Variants in DPP10 observed in about 807,000 individuals in gnomAD.
The protein encoded by DPP10 is inactive dipeptidyl peptidase 10.
A neutral mutation model predicts 120.9 loss-of-function variants in DPP10; 33 were observed. The observed-to-expected ratio is 0.27, with a 90% CI of 0.21 to 0.37. The LOEUF is 0.37. Among genes scored for constraint, DPP10 ranks in the 10% least tolerant of loss-of-function variants. The pLI is 1.00. For missense variants in DPP10, 816 were observed against 942.8 expected (o/e 0.87, Z 1.76); for synonymous variants, 337 against 326.1 (o/e 1.03, Z -0.36).
intron 1 of DPP10, among the ~76,000 whole-genome samples, chr2:114,674,257 C>A (rs1035523765): frequency 6.6e-6 from 1 of 151,606 alleles, no homozygotes; most frequent in Non-Finnish European, 1.5e-5. Context: ...ACATATATAT[C>A]CTATTTGTTT....
intron 1 of DPP10, among the ~76,000 whole-genome samples, chr2:115,176,947 C>T (rs1018999317): frequency 1.3e-5 from 2 of 152,056 alleles, no homozygotes; most frequent in South Asian, 4.1e-4. Context: ...TCTGTATATT[C>T]AATTGAAAAT....
intron 1 of DPP10, among the ~76,000 whole-genome samples, chr2:115,128,911 A>C (rs952144212): frequency 1.1e-4 from 17 of 152,214 alleles, no homozygotes; most frequent in African/African-American, 3.9e-4. Flanking sequence ...TGTGTGCAAA[A>C]ACCACGAATA....
chr2:115,199,140 A>G (rs2055504342), intron 1 of DPP10, among the ~76,000 whole-genome samples: 1 of 152,184 alleles, frequency 6.6e-6, no homozygotes, highest in South Asian at 2.1e-4. Flanking sequence ...AACAAATGTT[A>G]TTAATTTAAT....
At chr2:115,641,914 A>G (rs964260541) in intron 5 of DPP10, among the ~76,000 whole-genome samples, 1 of 152,200 alleles carries the variant, frequency 6.6e-6, no homozygotes, top group African/African-American at 2.4e-5. Context: ...GAAATGGAAC[A>G]TAGTAGTTGG....
At chr2:114,610,200 T>A (rs956340931) in intron 1 of DPP10, among the ~76,000 whole-genome samples, 1 of 152,154 alleles carries the variant, frequency 6.6e-6, no homozygotes, top group African/African-American at 2.4e-5. Flanking sequence ...CACAGGCGTA[T>A]GTTTTGTTTT....
At chr2:115,224,189 C>A (rs2057320820) in intron 1 of DPP10, among the ~76,000 whole-genome samples, 1 of 151,914 alleles carries the variant, frequency 6.6e-6, no homozygotes, top group African/African-American at 2.4e-5. Context: ...AGGAAGTGTG[C>A]AAAGTGGGGT....
At chr2:114,558,633 A>G (rs1558879713) in intron 1 of DPP10, among the ~76,000 whole-genome samples, 1 of 152,250 alleles carries the variant, frequency 6.6e-6, no homozygotes, top group Non-Finnish European at 1.5e-5. Flanking sequence ...TTCCTGCTCT[A>G]TGCTGAGTGC....
At chr2:114,835,761 C>G (rs1204118955) in intron 1 of DPP10, among the ~76,000 whole-genome samples, 2 of 152,014 alleles carry the variant, frequency 1.3e-5, no homozygotes, top group Non-Finnish European at 2.9e-5. Flanking sequence ...GTCATGTGCC[C>G]AGTAAGTTAT....
intron 1 of DPP10, among the ~76,000 whole-genome samples, chr2:114,913,515 C>G (rs1694540589): frequency 6.6e-6 from 1 of 152,144 alleles, no homozygotes; most frequent in Non-Finnish European, 1.5e-5. Flanking sequence ...TGAAATCATC[C>G]AGAAATAAAG....
chr2:115,716,869 T>TC (rs2092512764), intron 7 of DPP10, among the ~76,000 whole-genome samples: 1 of 152,192 alleles, frequency 6.6e-6, no homozygotes, highest in Non-Finnish European at 1.5e-5. Context: ...TGTTTTCTTA[T>TC]CAGCCTGCCC....
At chr2:114,699,285 A>G (rs960480409) in intron 1 of DPP10, among the ~76,000 whole-genome samples, 5 of 148,946 alleles carry the variant, frequency 3.4e-5, no homozygotes, top group African/African-American at 5.1e-5. Context: ...AATCATATAT[A>G]CATATGCGTG....
At chr2:114,692,801 T>C (rs1343007400) in intron 1 of DPP10, among the ~76,000 whole-genome samples, 1 of 152,152 alleles carries the variant, frequency 6.6e-6, no homozygotes, top group Non-Finnish European at 1.5e-5. Flanking sequence ...TAGTTAGCTG[T>C]TCTTGCTTAA....
chr2:114,592,451 A>G (rs1047364114), intron 1 of DPP10, among the ~76,000 whole-genome samples: 3 of 152,200 alleles, frequency 2.0e-5, no homozygotes, highest in Non-Finnish European at 4.4e-5. Context: ...AGTCAAAAAA[A>G]CCAGCATTGA....
At chr2:114,860,729 C>A (rs1024557014) in intron 1 of DPP10, among the ~76,000 whole-genome samples, 24 of 152,286 alleles carry the variant, frequency 1.6e-4, no homozygotes, top group African/African-American at 5.8e-4. Flanking sequence ...ATATTACCAT[C>A]TTCTTTTTGC....
At chr2:115,703,412 G>A (rs1348725344) in intron 7 of DPP10, among the ~76,000 whole-genome samples, 1 of 151,958 alleles carries the variant, frequency 6.6e-6, no homozygotes, top group Non-Finnish European at 1.5e-5. Flanking sequence ...TATAGGGAGA[G>A]GGAGAAGGAT....
At chr2:115,407,673 G>GAAA (rs113891788) in intron 3 of DPP10, among the ~76,000 whole-genome samples, 5 of 147,112 alleles carry the variant, frequency 3.4e-5, no homozygotes, top group East Asian at 2.0e-4. Flanking sequence ...AAGCCCACTG[G>GAAA]AAAAAAAAAA....
intron 1 of DPP10, among the ~76,000 whole-genome samples, chr2:114,817,303 CA>C (rs11347067): frequency 0.65 from 88,936 of 136,008 alleles, 27,133 homozygotes; most frequent in East Asian, 0.83. Context: ...GTGTCCTGGC[CA>C]AAAAAAAAAA....
intron 1 of DPP10, among the ~76,000 whole-genome samples, chr2:114,723,727 T>C (rs552408575): frequency 1.3e-5 from 2 of 152,326 alleles, no homozygotes; most frequent in South Asian, 4.1e-4. Flanking sequence ...TTTCTAAAAT[T>C]GCCCTTTCCT....
intron 1 of DPP10, among the ~76,000 whole-genome samples, chr2:115,120,292 T>C (rs2049756117): frequency 6.6e-6 from 1 of 152,184 alleles, no homozygotes; most frequent in Non-Finnish European, 1.5e-5. Flanking sequence ...CTCCTCATCC[T>C]GGGAAGGATG....
Sources: allele counts gnomAD v4.1 joint callset (sites outside exome capture counted in the v4.1 genomes callset), GRCh38; gene constraint gnomAD v4.1.1; transcripts MANE v1.5; gene names NCBI Gene and HGNC (gene_info 2026-07-23, HGNC 2026-07-21).